MS4A4A: variants seen among roughly 807,000 people sequenced by gnomAD.
MS4A4A encodes membrane-spanning 4-domains subfamily A member 4A.
In MS4A4A, 26 loss-of-function variants were observed where a neutral mutation model predicts 28.0. That is an observed-to-expected ratio of 0.93 (90% CI 0.68 to 1.29). The LOEUF is 1.29. MS4A4A is among the 50% of genes most tolerant of loss of function. The pLI is 0.00. For synonymous variants in MS4A4A, 86 were observed against 100.8 expected, an observed-to-expected ratio of 0.85 and a Z score of 0.88; for missense variants, 290 against 293.1, an observed-to-expected ratio of 0.99 and a Z score of 0.08.
At chr11:60,296,009 A>G (rs945843612) in intron 2 of MS4A4A, among the ~76,000 whole-genome samples, 6 of 152,120 alleles carry the variant, frequency 3.9e-5, no homozygotes, top group Non-Finnish European at 1.5e-5. Flanking sequence ...TCAGAGAATT[A>G]GTTAAGGAGT....
At chr11:60,284,748 C>T (rs113993006) in intron 1 of MS4A4A, among the ~76,000 whole-genome samples, 32 of 152,208 alleles carry the variant, frequency 2.1e-4, no homozygotes, top group African/African-American at 7.0e-4. Flanking sequence ...AGACCTATAT[C>T]GACACTTTAG....
At chr11:60,302,226 C>T (rs1183324829) in intron 4 of MS4A4A, among the ~76,000 whole-genome samples, 1 of 152,166 alleles carries the variant, frequency 6.6e-6, no homozygotes, top group Non-Finnish European at 1.5e-5. Flanking sequence ...GATAAGAAAT[C>T]AGGCATCAGA....
intron 3 of MS4A4A, among the ~76,000 whole-genome samples, chr11:60,300,471 C>A (rs1357416326): frequency 6.6e-6 from 1 of 151,894 alleles, no homozygotes; most frequent in Admixed American, 6.6e-5. Flanking sequence ...AAAAAATTAG[C>A]CCAGCGTAGT....
chr11:60,280,808 T>A, intron 1 of MS4A4A, 92 bp downstream of exon 1: 1 of 1,464,058 alleles, frequency 6.8e-7, no homozygotes, highest in South Asian at 1.2e-5. Context: ...ATGAGAAGAA[T>A]AATGAGGCCA....
At chr11:60,297,002 AC>A in intron 2 of MS4A4A, 194 bp from the exon 3 acceptor site, 1 of 620,328 alleles carries the variant, frequency 1.6e-6, no homozygotes, top group South Asian at 2.0e-5. Flanking sequence ...GCAATGATAG[AC>A]GTCGCGAGAG....
At chr11:60,304,001 A>G (rs984565544) in intron 5 of MS4A4A, among the ~76,000 whole-genome samples, 1 of 152,114 alleles carries the variant, frequency 6.6e-6, no homozygotes, top group Admixed American at 6.6e-5. Context: ...TGAGATTTCT[A>G]TTGCTTTTTA....
At chr11:60,281,577 G>T (rs2084755775) in intron 1 of MS4A4A, among the ~76,000 whole-genome samples, 1 of 152,068 alleles carries the variant, frequency 6.6e-6, no homozygotes, top group Non-Finnish European at 1.5e-5. Flanking sequence ...CCAGATTCAG[G>T]CCTCATTTTG....
intron 1 of MS4A4A, among the ~76,000 whole-genome samples, chr11:60,291,796 C>CAAAAAAAAAAAAAA (rs60913455): frequency 7.5e-6 from 1 of 133,960 alleles, no homozygotes; most frequent in Non-Finnish European, 1.6e-5. Context: ...GACTCCATCT[C>CAAAAAAAAAAAAAA]AAAAAAAAAA....
intron 1 of MS4A4A, among the ~76,000 whole-genome samples, chr11:60,285,281 A>C (rs950736590): frequency 3.3e-5 from 5 of 152,210 alleles, no homozygotes; most frequent in African/African-American, 1.2e-4. Context: ...AGACGGGAAG[A>C]TCACTTGAGC....
intron 2 of MS4A4A, among the ~76,000 whole-genome samples, chr11:60,294,712 T>C (rs185435549): frequency 6.6e-6 from 1 of 152,086 alleles, no homozygotes; most frequent in Admixed American, 6.6e-5. Flanking sequence ...ACTTTTTTTT[T>C]CATTGTATTA....
At chr11:60,292,177 C>A (rs770824655) in intron 1 of MS4A4A, 48 bp from the exon 2 acceptor site, 2 of 1,490,848 alleles carry the variant, frequency 1.3e-6, no homozygotes, top group African/African-American at 1.4e-5. Context: ...GTCATGTCCT[C>A]TTTTGCCATT....
intron 1 of MS4A4A, among the ~76,000 whole-genome samples, chr11:60,287,493 T>G (rs1020691743): frequency 6.6e-6 from 1 of 152,228 alleles, no homozygotes; most frequent in African/African-American, 2.4e-5. Flanking sequence ...CTCTTAATAC[T>G]GTTAAAATGG....
chr11:60,298,868 T>C (rs2135026306), intron 3 of MS4A4A, among the ~76,000 whole-genome samples: 1 of 152,312 alleles, frequency 6.6e-6, no homozygotes, highest in Middle Eastern at 3.4e-3. Flanking sequence ...CTACCTTCCA[T>C]TATTCTTTCA....
chr11:60,305,950 A>G (rs2084995687), intron 5 of MS4A4A, 150 bp from the exon 6 acceptor site: 4 of 608,100 alleles, frequency 6.6e-6, no homozygotes, highest in Middle Eastern at 4.4e-4. Flanking sequence ...TCAGCAGATC[A>G]AGAATTGGTC....
At chr11:60,298,493 A>G (rs2084924567) in intron 3 of MS4A4A, among the ~76,000 whole-genome samples, 1 of 152,212 alleles carries the variant, frequency 6.6e-6, no homozygotes, top group Non-Finnish European at 1.5e-5. Flanking sequence ...TTAGTGCTTT[A>G]TATGTGCAAT....
At chr11:60,298,321 G>T (rs979971254) in intron 3 of MS4A4A, among the ~76,000 whole-genome samples, 1 of 152,142 alleles carries the variant, frequency 6.6e-6, no homozygotes, top group African/African-American at 2.4e-5. Context: ...AGAAGAGCTT[G>T]CTTTTTGATC....
intron 3 of MS4A4A, 24 bp from the exon 4 acceptor site, chr11:60,300,977 C>A: frequency 6.4e-7 from 1 of 1,560,610 alleles, no homozygotes; most frequent in Non-Finnish European, 8.7e-7. Context: ...AGTTTTTTAC[C>A]TTCATTTTTT....
chr11:60,303,353 G>A (rs543823823), intron 5 of MS4A4A, among the ~76,000 whole-genome samples: 10 of 152,144 alleles, frequency 6.6e-5, no homozygotes, highest in Non-Finnish European at 1.5e-4. Flanking sequence ...GGGTAATTGT[G>A]GGGAGGAAAA....
At chr11:60,288,036 T>G (rs746679023) in intron 1 of MS4A4A, among the ~76,000 whole-genome samples, 4 of 152,214 alleles carry the variant, frequency 2.6e-5, no homozygotes, top group Non-Finnish European at 5.9e-5. Flanking sequence ...CGTTGCATGC[T>G]AGTGGCCCTA....
Sources: allele counts gnomAD v4.1 joint callset (sites outside exome capture counted in the v4.1 genomes callset), GRCh38; gene constraint gnomAD v4.1.1; transcripts MANE v1.5; gene names NCBI Gene and HGNC (gene_info 2026-07-23, HGNC 2026-07-21).